The following PLA2G12A variants were observed in gnomAD, a reference collection of about 807,000 sequenced individuals.
PLA2G12A encodes group XIIA secretory phospholipase A2.
In PLA2G12A, 11 loss-of-function variants were observed where a neutral mutation model predicts 16.0. The observed-to-expected ratio is 0.69, with a 90% CI of 0.43 to 1.13. The LOEUF is 1.13. PLA2G12A is among the 50% of genes most tolerant of loss of function. PLA2G12A has a pLI of 0.00. For missense variants in PLA2G12A, 214 were observed against 237.3 expected, an observed-to-expected ratio of 0.90 and a Z score of 0.65; for synonymous variants, 77 against 93.8, an observed-to-expected ratio of 0.82 and a Z score of 1.03.
At chr4:109,720,135 C>T (rs1284128962) in intron 1 of PLA2G12A, among the ~76,000 whole-genome samples, 5 of 152,140 alleles carry the variant, frequency 3.3e-5, no homozygotes, top group Non-Finnish European at 7.3e-5. Flanking sequence ...CAATCCTCTG[C>T]CCCTTGGGGA....
In PLA2G12A at chr4:109,729,778, A is replaced by C. The variant is rs1337752236; in HGVS notation, c.32T>G (p.Leu11Arg). The C allele has an allele frequency of 5.8e-6, 9 of 1,563,268 alleles. No individual in the cohort carries two copies. The highest frequency in any genetic ancestry group is 7.8e-6 in the Non-Finnish European group (9 of 1,154,722). The part of the protein sequence containing the change: MALLSRPALT[L>R]LLLLMAAVVR... ...AACAGCGGCCATGAGGAGGAGCAGG[A>C]GGGTGAGCGCGGGGCGCGAGAGCAG... The change falls in exon 1 of 4, where the codon CTC becomes CGC. Residue 11 changes from leucine to arginine, a missense_variant. Physicochemically the swap from Leu to Arg is moderately radical, Grantham distance 102. Transcript: ENST00000243501.
chr4:109,729,686 C>A lies in PLA2G12A; in HGVS notation c.124G>T (p.Val42Phe). Residue 42 changes from valine (V) to phenylalanine (F), a missense_variant, in exon 1 of 4, where the codon GTT (valine) becomes TTT (phenylalanine). Val to Phe is a conservative substitution (Grantham distance 50). Coordinates refer to ENST00000243501, the MANE Select transcript of PLA2G12A (RefSeq NM_030821.5). ...TTCAGGTACGTGTCTATCTTATGAA[C>A]GCCGTTCCGGATGGTCTTCAGGGTG... ...RATLKTIRNGVHKIDTYLNAA... is the reference protein window; with the variant it reads ...RATLKTIRNGFHKIDTYLNAA... The A allele has an allele frequency of 6.2e-7, 1 of 1,611,522 alleles. No individual in the cohort carries two copies. The highest frequency in any genetic ancestry group is 1.7e-5 in the Admixed American group (1 of 59,966).
chr4:109,729,910 G>T lies in PLA2G12A; in HGVS notation c.-101C>A. ...AGGCAGCGGCGCGGGCCCCGGACTT[G>T]GCAGCAGCCAGCTCCATATCCACGC... On this transcript the variant is annotated 5_prime_UTR_variant, in exon 1 of 4. Transcript: ENST00000243501. 9.7e-7 allele frequency: 1 copy of T among 1,027,804 alleles called. No individual in the cohort carries two copies. The highest frequency in any genetic ancestry group is 1.4e-6 in the Non-Finnish European group (1 of 736,240). The allele number at this position is 1,027,804 out of a possible 1,614,324, so 63.7% of individuals were successfully genotyped here. A position where few individuals can be genotyped will look rare whatever the true frequency, so the allele number is the denominator to read the frequency against.
chr4:109,723,170 CA>C (rs2045416838), intron 1 of PLA2G12A, among the ~76,000 whole-genome samples: 1 of 150,970 alleles, frequency 6.6e-6, no homozygotes, highest in African/African-American at 2.4e-5. Flanking sequence ...CAGCCTAACA[CA>C]GTATGTTTCA....
rs763141046 is a variant in PLA2G12A at position 109,729,606 on chromosome 4, A to T, written c.204T>A (p.Ser68Arg). 10 of 1,607,178 alleles carry T rather than the reference A, an allele frequency of 6.2e-6. No homozygotes were observed. The highest frequency in any genetic ancestry group is 2.3e-4 in the Middle Eastern group (1 of 4,436). ...TGGGCCCGGGTGCCCCCTCACCGTCACTGCATTTATACTGGCAGAGACCGT... is the reference window on the plus strand; with the variant it reads ...TGGGCCCGGGTGCCCCCTCACCGTCTCTGCATTTATACTGGCAGAGACCGT... ...GEDGLCQYKC[S>R]DGSKPFPRYG... The change falls in exon 1 of 4, where the codon AGT becomes AGA. Residue 68 changes from serine (S) to arginine (R), a missense_variant. By Grantham distance (110) the Ser-to-Arg change is moderately radical. Transcript: ENST00000243501.
intron 3 of PLA2G12A, among the ~76,000 whole-genome samples, 159 bp from the exon 4 acceptor site, chr4:109,714,654 C>T (rs1049711934): frequency 4.6e-5 from 7 of 152,042 alleles, no homozygotes; most frequent in Non-Finnish European, 7.4e-5. Context: ...TATTTACATA[C>T]ACACATATAT....
rs143709300 is a variant in PLA2G12A, at chr4:109,717,513, G to A, written c.451+35C>T. The A allele has an allele frequency of 6.9e-5, 109 of 1,587,302 alleles. 1 individual carries two copies. In the African/African-American group the frequency reaches 8.6e-4, roughly 13 times the overall value. ...AGAGCATTTGATACAACTTTAAAAA[G>A]TACACTCATCCCCAAGCCACCAGAT... On this transcript the variant is annotated intron_variant, in intron 3 of 3. Coordinates refer to ENST00000243501, the MANE Select transcript of PLA2G12A (RefSeq NM_030821.5).
At chr4:109,724,727 A>G (rs1722896246) in intron 1 of PLA2G12A, among the ~76,000 whole-genome samples, 1 of 152,232 alleles carries the variant, frequency 6.6e-6, no homozygotes, top group South Asian at 2.1e-4. Flanking sequence ...GAGATAGTAC[A>G]GAGAAGGACA....
At chr4:109,725,338 T>A (rs971452187) in intron 1 of PLA2G12A, among the ~76,000 whole-genome samples, 15 of 152,252 alleles carry the variant, frequency 9.9e-5, no homozygotes, top group Non-Finnish European at 2.1e-4. Context: ...ATATAGACAG[T>A]TCTTTATTAG....
At position 109,712,175 on chromosome 4, in the gene PLA2G12A, G is replaced by T. The variant is rs950004405; in HGVS notation, c.*2202C>A. 6.6e-6 allele frequency: 1 copy of T among 152,206 alleles called. No individual in the cohort carries two copies. The highest frequency in any genetic ancestry group is 1.5e-5 in the Non-Finnish European group (1 of 68,038). The allele number at this position is 152,206 out of a possible 1,614,324, so 9.4% of individuals were successfully genotyped here. ...AAATAAAGTCAAAGTTCCGTTAATA[G>T]TAATTGCCATTGCTGGTTACTTAGC... On this transcript the variant is annotated 3_prime_UTR_variant, in exon 4 of 4. Transcript: ENST00000243501.
At chr4:109,724,777 G>A (rs1458474859) in intron 1 of PLA2G12A, among the ~76,000 whole-genome samples, 5 of 152,168 alleles carry the variant, frequency 3.3e-5, no homozygotes, top group African/African-American at 4.8e-5. Flanking sequence ...GAAGTAGGAG[G>A]CTGCTGTGCC....
intron 1 of PLA2G12A, among the ~76,000 whole-genome samples, chr4:109,720,363 G>A (rs1730899985): frequency 1.3e-5 from 2 of 151,582 alleles, no homozygotes; most frequent in South Asian, 2.1e-4. Flanking sequence ...TAAAGACAAG[G>A]TTACCCTCCA....
At chr4:109,721,718 C>T (rs1351151074) in intron 1 of PLA2G12A, among the ~76,000 whole-genome samples, 1 of 152,180 alleles carries the variant, frequency 6.6e-6, no homozygotes, top group Non-Finnish European at 1.5e-5. Context: ...TAAGCTGTCC[C>T]TCCTGACATT....
chr4:109,714,704 T>C (rs1445760604), intron 3 of PLA2G12A, among the ~76,000 whole-genome samples: 1 of 152,100 alleles, frequency 6.6e-6, no homozygotes, highest in African/African-American at 2.4e-5. Context: ...CATCTTATTT[T>C]TTGTTTGCAT....
chr4:109,720,847 T>A (rs1165674036), intron 1 of PLA2G12A, among the ~76,000 whole-genome samples: 2 of 151,652 alleles, frequency 1.3e-5, no homozygotes, highest in Admixed American at 1.3e-4. Flanking sequence ...GGCAGGTGTA[T>A]CACCTGAGGT....
chr4:109,718,217 T>C (rs1261088947), intron 2 of PLA2G12A, among the ~76,000 whole-genome samples: 1 of 152,248 alleles, frequency 6.6e-6, no homozygotes, highest in Non-Finnish European at 1.5e-5. Context: ...ACTATTACTC[T>C]GAATCTATAA....
intron 1 of PLA2G12A, among the ~76,000 whole-genome samples, chr4:109,723,492 G>A (rs1021632074): frequency 1.3e-5 from 2 of 152,172 alleles, no homozygotes; most frequent in Non-Finnish European, 2.9e-5. Context: ...CCAAGCAGCC[G>A]TGAAGTCATC....
At position 109,729,971 on chromosome 4, in the gene PLA2G12A, T is replaced by C. The variant is rs566646269; in HGVS notation, c.-162A>G. 8.2e-5 allele frequency: 50 copies of C among 610,170 alleles called. No homozygotes were observed. In the African/African-American group the frequency reaches 9.5e-4, roughly 12 times the overall value. 37.8% of individuals were successfully genotyped at this position (610,170 alleles called of 1,614,324 possible). Reference sequence around the variant, plus strand: ...GCTGGCCCTCAGGATCTCGCTGTCTTTACGTGAACCGCCTCGGGCAGGCAG... The same window carrying C: ...GCTGGCCCTCAGGATCTCGCTGTCTCTACGTGAACCGCCTCGGGCAGGCAG... On this transcript the variant is annotated 5_prime_UTR_variant, in exon 1 of 4. Coordinates refer to ENST00000243501, the MANE Select transcript of PLA2G12A (RefSeq NM_030821.5).
In PLA2G12A at chr4:109,729,783, G is replaced by A. The variant is rs749179658; in HGVS notation, c.27C>T (p.Leu9=). 12 of 1,559,760 alleles carry A rather than the reference G, an allele frequency of 7.7e-6. No individual in the cohort carries two copies. Among genetic ancestry groups the A allele is most frequent in the Non-Finnish European group, 9.5e-6 (11 of 1,152,748 alleles). The part of the protein sequence containing the change: MALLSRPA[L]TLLLLLMAAV... ...CGGCCATGAGGAGGAGCAGGAGGGT[G>A]AGCGCGGGGCGCGAGAGCAGGGCCA... Residue 9 remains leucine, a synonymous_variant, in exon 1 of 4, where the codon CTC becomes CTT. Coordinates refer to ENST00000243501, the MANE Select transcript of PLA2G12A (RefSeq NM_030821.5).
Sources: allele counts gnomAD v4.1 joint callset (sites outside exome capture counted in the v4.1 genomes callset), GRCh38; gene constraint gnomAD v4.1.1; transcripts MANE v1.5; gene names NCBI Gene and HGNC (gene_info 2026-07-23, HGNC 2026-07-21).